The following IRAG2 variants were observed in gnomAD, a reference collection of about 807,000 sequenced individuals.
IRAG2 encodes the protein inositol 1,4,5-triphosphate receptor associated 2.
In IRAG2, 45 loss-of-function variants were observed where a neutral mutation model predicts 69.9. The observed-to-expected ratio is 0.64, with a 90% CI of 0.51 to 0.83. The LOEUF is 0.83. Ranked by LOEUF, IRAG2 falls within the 40% of genes least tolerant of loss-of-function variation. The pLI is 0.00. For synonymous variants in IRAG2, 193 were observed against 202.4 expected (o/e 0.95, Z 0.40); for missense variants, 520 against 587.0 (o/e 0.89, Z 1.18).
intron 16 of IRAG2, among the ~76,000 whole-genome samples, chr12:25,039,958 GA>G (rs1944734587): frequency 6.6e-6 from 1 of 152,188 alleles, no homozygotes; most frequent in African/African-American, 2.4e-5. Context: ...ACCCAGCTGG[GA>G]TTAAGTGACA....
chr12:25,062,663 T>G (rs1317044314), intron 2 of IRAG2, among the ~76,000 whole-genome samples, 157 bp from the exon 3 acceptor site: 1 of 152,242 alleles, frequency 6.6e-6, no homozygotes, highest in African/African-American at 2.4e-5. Context: ...AGGTTTAAAA[T>G]TACAAATGTG....
intron 1 of IRAG2, among the ~76,000 whole-genome samples, chr12:25,058,525 T>C (rs1945412067): frequency 6.6e-6 from 1 of 152,238 alleles, no homozygotes; most frequent in African/African-American, 2.4e-5. Context: ...ATATTTTTAA[T>C]ATACAATTTT....
intron 9 of IRAG2, among the ~76,000 whole-genome samples, chr12:25,027,654 A>G (rs1944634655): frequency 6.6e-6 from 1 of 152,130 alleles, no homozygotes; most frequent in African/African-American, 2.4e-5. Context: ...TCGGCCTCCC[A>G]AAGTGCTGGG....
chr12:25,050,479 A>G (rs1360004950), upstream of IRAG2, among the ~76,000 whole-genome samples: 1 of 144,062 alleles, frequency 6.9e-6, no homozygotes, highest in African/African-American at 2.5e-5. Context: ...CAGTGAGCTG[A>G]GATCGCGCCA....
At position 25,061,594 on chromosome 12, in the gene IRAG2, A is replaced by T. The variant is rs1405798001; in HGVS notation, c.-444A>T. 3 of 398,498 alleles carry T rather than the reference A, an allele frequency of 7.5e-6. No homozygotes were observed. The highest frequency in any genetic ancestry group is 4.4e-5 in the Admixed American group (1 of 22,718). 24.7% of individuals were successfully genotyped at this position (398,498 alleles called of 1,614,324 possible). ...CTGGTTATAAATTCTCTTTGTAGCA[A>T]CAATTGAGTCACTTCAAAAGGAGTT... On this transcript the variant is annotated splice_region_variant and 5_prime_UTR_variant, in exon 2 of 22. Transcript: ENST00000556887.
At chr12:25,096,400 C>G (rs1489323169) in intron 14 of IRAG2, among the ~76,000 whole-genome samples, 1 of 152,112 alleles carries the variant, frequency 6.6e-6, no homozygotes, top group Admixed American at 6.5e-5. Flanking sequence ...GAAGGATGTT[C>G]ATCAGGAAGG....
intron 2 of IRAG2, among the ~76,000 whole-genome samples, chr12:25,062,603 C>G (rs181818723): frequency 3.5e-4 from 54 of 152,294 alleles, no homozygotes; most frequent in Non-Finnish European, 6.3e-4. Flanking sequence ...TTCTTGTTCC[C>G]GATCTTCAGA....
At chr12:25,032,594 A>G (rs113793282) in intron 12 of IRAG2, among the ~76,000 whole-genome samples, 20 of 152,332 alleles carry the variant, frequency 1.3e-4, no homozygotes, top group African/African-American at 4.8e-4. Flanking sequence ...TGTGGCTTCA[A>G]TAATACTCAT....
intron 6 of IRAG2, 90 bp downstream of exon 6, chr12:25,069,521 T>G: frequency 2.5e-6 from 3 of 1,199,956 alleles, no homozygotes. Flanking sequence ...GTCTTTTTTA[T>G]TTTTTAAGTA....
At chr12:25,006,213 A>G (rs1215000722) in intron 2 of IRAG2, 1 of 152,256 alleles carries the variant, frequency 6.6e-6, no homozygotes, top group African/African-American at 2.4e-5. Context: ...GTACTATTAA[A>G]AAGTCAAAAA....
In IRAG2 at chr12:25,089,760, C is replaced by T. The variant is rs752189832; in HGVS notation, c.438-3C>T. On this transcript the variant is annotated splice_region_variant and splice_polypyrimidine_tract_variant and intron_variant, in intron 12 of 21. Coordinates refer to ENST00000556887, the MANE Select transcript of IRAG2 (RefSeq NM_001366544.2). ...TAAATATGTTTTTTGTCTTATCCTA[C>T]AGCACTTCTGCTAATGAGAAGGAGG... The T allele has an allele frequency of 1.2e-5, 19 of 1,613,354 alleles. 1 individual carries two copies. In the South Asian group the frequency reaches 1.8e-4, roughly 15 times the overall value.
intron 10 of IRAG2, among the ~76,000 whole-genome samples, chr12:25,085,252 T>G (rs1947493133): frequency 6.6e-6 from 1 of 152,232 alleles, no homozygotes; most frequent in Non-Finnish European, 1.5e-5. Context: ...ACACGTGAGC[T>G]GGAAGGATGA....
intron 9 of IRAG2, among the ~76,000 whole-genome samples, chr12:25,029,113 TG>T (rs1451695757): frequency 6.6e-6 from 1 of 152,098 alleles, no homozygotes; most frequent in Non-Finnish European, 1.5e-5. Context: ...TTAAATTTTT[TG>T]TATAGATGAA....
chr12:25,049,524 A>G (rs1944823538), upstream of IRAG2, among the ~76,000 whole-genome samples: 1 of 152,244 alleles, frequency 6.6e-6, no homozygotes, highest in African/African-American at 2.4e-5. Flanking sequence ...ATAAAAAAAC[A>G]CAAATAACTA....
chr12:25,031,060 C>T, intron 10 of IRAG2: 1 of 985,350 alleles, frequency 1.0e-6, no homozygotes, highest in Middle Eastern at 5.2e-4. Flanking sequence ...CAGGAAGGAA[C>T]ACAGCCTCAG....
chr12:25,050,544 CAAACAAACAA>C (rs1565535149), upstream of IRAG2, among the ~76,000 whole-genome samples: 1 of 13,532 alleles, frequency 7.4e-5, no homozygotes, highest in Non-Finnish European at 3.4e-4. Flanking sequence ...AACAAACAAA[CAAACAAACAA>C]AAAAAAACAG....
chr12:25,089,493 C>A (rs1407787467), intron 11 of IRAG2, 121 bp from the exon 12 acceptor site: 3 of 597,184 alleles, frequency 5.0e-6, no homozygotes, highest in Non-Finnish European at 5.8e-6. Context: ...TATTAGCTGG[C>A]GATCATCTCA....
intron 20 of IRAG2, among the ~76,000 whole-genome samples, chr12:25,104,972 A>G (rs1027982725): frequency 1.3e-5 from 2 of 152,074 alleles, no homozygotes; most frequent in African/African-American, 4.8e-5. Context: ...ATATACTTCT[A>G]CAGTGAAAGG....
chr12:25,106,383 ATATG>A (rs1463402035), intron 20 of IRAG2, among the ~76,000 whole-genome samples: 1 of 137,518 alleles, frequency 7.3e-6, no homozygotes, highest in Non-Finnish European at 1.5e-5. Flanking sequence ...ATATTATGGA[ATATG>A]TGTGTATATA....
Sources: gnomAD v4.1 joint callset for allele counts (sites outside exome capture counted in the v4.1 genomes callset) on GRCh38, gnomAD v4.1.1 for gene constraint, MANE v1.5 for transcripts, NCBI Gene and HGNC (gene_info 2026-07-23, HGNC 2026-07-21) for gene names.